The following FREM1 variants were observed in gnomAD, a reference collection of about 807,000 sequenced individuals.
The protein encoded by FREM1 is FRAS1-related extracellular matrix protein 1.
A neutral mutation model predicts 210.1 loss-of-function variants in FREM1; 220 were observed. The ratio of observed to expected loss-of-function variants is 1.05; its 90% confidence interval spans 0.94 to 1.17. The LOEUF (loss-of-function observed/expected upper bound fraction) is 1.17, where lower values mean the gene tolerates loss of function less well. Ranked by LOEUF, FREM1 falls within the 50% of genes most tolerant of loss-of-function variation. The probability of loss-of-function intolerance (pLI) is 0.00; values close to 1 mark genes in which losing one functional copy is unlikely to be tolerated. For synonymous variants in FREM1, 1,189 were observed against 980.2 expected (o/e 1.21, Z -3.98); for missense variants, 3,454 against 2,675.5 (o/e 1.29, Z -6.42).
In FREM1 at chr9:14,885,816, A is replaced by T. The variant is rs568230188; in HGVS notation, c.-267-16572T>A. ...GTGAAATAGCTAAATCAAATAACTA[A>T]CATATCTATTACCTTACATATCTTC... is the stretch of plus-strand genomic sequence containing the variant. On this transcript the variant is annotated intron_variant, in intron 1 of 36. Transcript: ENST00000380880. Among the ~76,000 whole-genome samples, 2 of 152,224 alleles carry T rather than the reference A, an allele frequency of 1.3e-5. 1 individual carries two copies. Among genetic ancestry groups the T allele is most frequent in the Admixed American group, 1.3e-4 (2 of 15,288 alleles).
chr9:14,827,316 C>T (rs1169413004), intron 10 of FREM1, among the ~76,000 whole-genome samples: 2 of 152,164 alleles, frequency 1.3e-5, no homozygotes, highest in Non-Finnish European at 2.9e-5. Context: ...GAAAGATCTT[C>T]CTGTTATAAA....
chr9:14,744,081 T>G (rs1842014195), intron 35 of FREM1, among the ~76,000 whole-genome samples: 1 of 152,114 alleles, frequency 6.6e-6, no homozygotes, highest in South Asian at 2.1e-4. Flanking sequence ...ATATTTTATC[T>G]TATTTGATAC....
At position 14,746,910 on chromosome 9, in the gene FREM1, G is replaced by C. The variant is rs369645771; in HGVS notation, c.6138+13C>G. On this transcript the variant is annotated intron_variant, in intron 34 of 36. Coordinates refer to ENST00000380880, the MANE Select transcript of FREM1 (RefSeq NM_001379081.2). ...GCGAATAAAGGTGCTTGGCTGCTCA[G>C]CCTGCCTCCTACCTTGGTTTGGGGA... 13 of 1,611,256 alleles carry C rather than the reference G, an allele frequency of 8.1e-6. No individual in the cohort carries two copies. The highest frequency in any genetic ancestry group is 1.3e-5 in the African/African-American group (1 of 74,800).
rs745793842 is a variant in FREM1, at chr9:14,824,987, T to C, written c.1887A>G (p.Ala629=). Residue 629 remains alanine (A), a synonymous_variant, in exon 11 of 37, where the codon GCA becomes GCG. Coordinates refer to ENST00000380880, the MANE Select transcript of FREM1 (RefSeq NM_001379081.2). ...CATCCACTGGAGTTATATGGATTGT[T>C]GCCACCTGGAATAAAAATGTCTGTA... ...EPPNLSVPQV[A]TIHITPVDDQ... The C allele has an allele frequency of 6.4e-7, 1 of 1,573,160 alleles. No individual in the cohort carries two copies. The highest frequency in any genetic ancestry group is 2.2e-5 in the Admixed American group (1 of 46,336).
intron 35 of FREM1, among the ~76,000 whole-genome samples, chr9:14,743,860 C>T (rs1197761058): frequency 6.6e-6 from 1 of 152,076 alleles, no homozygotes; most frequent in African/African-American, 2.4e-5. Context: ...TGATCAACAT[C>T]AAAGCCCTTT....
rs75878042 is a variant in FREM1, at chr9:14,798,606, T to A, written c.3695-964A>T. Among the ~76,000 whole-genome samples the A allele has an allele frequency of 6.9e-3, 1,050 of 152,260 alleles. 11 individuals are homozygous for A. Among genetic ancestry groups the A allele is most frequent in the African/African-American group, 0.023 (957 of 41,552 alleles). ...GCCTGGGTGACAAAGTCATCTCTTT[T>A]AAAAAATTACAGCATAATAAGTCTA... is the stretch of plus-strand genomic sequence containing the variant. On this transcript the variant is annotated intron_variant, in intron 20 of 36. Coordinates refer to ENST00000380880, the MANE Select transcript of FREM1 (RefSeq NM_001379081.2).
chr9:14,830,696 C>T (rs1192896920), intron 10 of FREM1, among the ~76,000 whole-genome samples: 1 of 152,184 alleles, frequency 6.6e-6, no homozygotes. Flanking sequence ...TCCCTTCCTT[C>T]TTGCCTATTA....
rs202115210 is a variant in FREM1, at chr9:14,842,534, C to T, written c.1520G>A (p.Arg507His). The T allele has an allele frequency of 1.6e-4, 259 of 1,613,950 alleles. No individual in the cohort carries two copies. The African/African-American group carries it at 2.6e-3, about 16-fold the overall frequency. The change falls in exon 9 of 37, where the codon CGT becomes CAT. Residue 507 changes from arginine (R) to histidine (H), a missense_variant. By Grantham distance (29) the Arg-to-His change is conservative (BLOSUM62 0). Transcript: ENST00000380880. The part of the protein sequence containing the change: ...FRIFDGHHSI[R>H]HKFPINVLPK... The stretch of plus-strand genomic sequence containing the variant: ...CAAGACGTTGATGGGGAATTTGTGA[C>T]GGATGCTGTGATGGCCATCAAATAT...
At chr9:14,863,368 A>G (rs912328309) in intron 3 of FREM1, among the ~76,000 whole-genome samples, 2 of 151,968 alleles carry the variant, frequency 1.3e-5, no homozygotes, top group Non-Finnish European at 2.9e-5. Flanking sequence ...GGAATTTTAA[A>G]TATTTAATAT....
At chr9:14,900,568 G>A (rs548040130) in intron 1 of FREM1, among the ~76,000 whole-genome samples, 62 of 152,190 alleles carry the variant, frequency 4.1e-4, no homozygotes, top group Non-Finnish European at 8.5e-4. Context: ...CCAGTGTGGT[G>A]GTGGTTGGTT....
chr9:14,761,566 A>T (rs1464967116), intron 27 of FREM1, among the ~76,000 whole-genome samples: 4 of 152,224 alleles, frequency 2.6e-5, no homozygotes, highest in African/African-American at 9.6e-5. Flanking sequence ...CTTTTTCACA[A>T]TTTGCTTTCT....
At chr9:14,810,334 C>T (rs1315812738) in intron 16 of FREM1, among the ~76,000 whole-genome samples, 1 of 152,152 alleles carries the variant, frequency 6.6e-6, no homozygotes, top group African/African-American at 2.4e-5. Flanking sequence ...GCTGGGAAAG[C>T]AGGCCAAATA....
intron 10 of FREM1, among the ~76,000 whole-genome samples, chr9:14,833,397 G>A (rs2131015800): frequency 6.6e-6 from 1 of 152,210 alleles, no homozygotes; most frequent in South Asian, 2.1e-4. Context: ...TTCCAAAGTC[G>A]GTTCAGCCTA....
chr9:14,888,578 C>T (rs1241553567), intron 1 of FREM1, among the ~76,000 whole-genome samples: 1 of 152,124 alleles, frequency 6.6e-6, no homozygotes, highest in African/African-American at 2.4e-5. Context: ...CTTCATGTTC[C>T]AACTGCTTAC....
At chr9:14,850,178 G>A (rs887412445) in intron 6 of FREM1, among the ~76,000 whole-genome samples, 6 of 152,136 alleles carry the variant, frequency 3.9e-5, no homozygotes, top group Non-Finnish European at 7.4e-5. Flanking sequence ...ACTATTATGT[G>A]GAAGACTTTA....
rs1842879054 is a variant in FREM1, at chr9:14,748,788, T to G, written c.5558-149A>C. ...TGCCTTTTTGCCATTTGCCAGAAAC[T>G]CCTTTACTCTTCATCAGTTTACATC... On this transcript the variant is annotated intron_variant, in intron 30 of 36. Coordinates refer to ENST00000380880, the MANE Select transcript of FREM1 (RefSeq NM_001379081.2). The G allele has an allele frequency of 1.3e-5, 8 of 602,126 alleles. No individual in the cohort carries two copies. In the East Asian group the frequency reaches 1.8e-4, roughly 14 times the overall value. 37.3% of individuals were successfully genotyped at this position (602,126 alleles called of 1,614,324 possible).
intron 15 of FREM1, among the ~76,000 whole-genome samples, chr9:14,814,395 T>C (rs1819927701): frequency 1.3e-5 from 2 of 152,182 alleles, no homozygotes; most frequent in African/African-American, 4.8e-5. Context: ...AAAGCACTTA[T>C]TAAATATTTG....
chr9:14,860,904 C>CAT (rs1419382535), intron 3 of FREM1, among the ~76,000 whole-genome samples: 6 of 74,186 alleles, frequency 8.1e-5, no homozygotes, highest in African/African-American at 4.0e-4. Flanking sequence ...CATATATACA[C>CAT]ATATACACAT....
chr9:14,887,798 ATTATT>A (rs959831374), intron 1 of FREM1, among the ~76,000 whole-genome samples: 3 of 152,132 alleles, frequency 2.0e-5, no homozygotes, highest in Admixed American at 2.0e-4. Context: ...TAGTTCTATT[ATTATT>A]TTAATTTCAT....
Sources: gnomAD v4.1 joint callset for allele counts (sites outside exome capture counted in the v4.1 genomes callset) on GRCh38, gnomAD v4.1.1 for gene constraint, MANE v1.5 for transcripts, NCBI Gene and HGNC (gene_info 2026-07-23, HGNC 2026-07-21) for gene names.